DISC1: variants seen among roughly 807,000 people sequenced by gnomAD.
DISC1 encodes the protein disrupted in schizophrenia 1 protein.
DISC1 carries 57 observed loss-of-function variants against 84.5 expected under a neutral mutation model. The observed-to-expected ratio is 0.67, with a 90% confidence interval of 0.55 to 0.84. The LOEUF (loss-of-function observed/expected upper bound fraction) is 0.84, where lower values mean the gene tolerates loss of function less well. DISC1 is among the 40% of genes least tolerant of loss of function. The pLI, the probability that DISC1 is intolerant of heterozygous loss-of-function variation, is 0.00. For synonymous variants in DISC1, 411 were observed against 415.2 expected (o/e 0.99, Z 0.12); for missense variants, 1,000 against 1,057.8 (o/e 0.95, Z 0.76).
intron 9 of DISC1, among the ~76,000 whole-genome samples, chr1:231,868,961 G>A (rs199668715): frequency 1.5e-4 from 23 of 151,482 alleles, no homozygotes; most frequent in Non-Finnish European, 1.2e-4. Flanking sequence ...CAATCATGGG[G>A]TAATAATAAT....
rs761174007 is a variant in DISC1, at chr1:231,694,342, TC to T, written c.590del (p.Pro197GlnfsTer146). The T allele has an allele frequency of 5.0e-6, 8 of 1,613,902 alleles. No homozygotes were observed. In the Admixed American group the frequency reaches 1.0e-4, roughly 20 times the overall value. On this transcript the variant is annotated frameshift_variant, in exon 2 of 13. Transcript: ENST00000439617. LOFTEE classifies it high-confidence loss of function. ...NSCSPGCGPEVPPTPPGSHSA... is the reference protein window; with the variant it reads ...NSCSPGCGPEXPPTPPGSHSA... Reference sequence around the variant, plus strand: ...TGCAGCCCTGGCTGTGGCCCTGAGGTCCCCCCAACCCCTCCTGGCTCTCACA... The same window carrying T: ...TGCAGCCCTGGCTGTGGCCCTGAGGTCCCCCAACCCCTCCTGGCTCTCACA...
chr1:231,921,337 G>A (rs1250829674), intron 9 of DISC1, among the ~76,000 whole-genome samples: 1 of 152,152 alleles, frequency 6.6e-6, no homozygotes, highest in Non-Finnish European at 1.5e-5. Flanking sequence ...ATGGAAAAAT[G>A]TGGGCACCAT....
intron 10 of DISC1, among the ~76,000 whole-genome samples, chr1:231,980,079 A>C (rs1287010783): frequency 1.3e-5 from 2 of 152,068 alleles, no homozygotes; most frequent in African/African-American, 2.4e-5. Context: ...GAGAAGTATG[A>C]CTCTTATTCT....
chr1:231,770,574 C>G (rs1421108145), intron 5 of DISC1, among the ~76,000 whole-genome samples: 1 of 152,154 alleles, frequency 6.6e-6, no homozygotes, highest in Admixed American at 6.5e-5. Flanking sequence ...CTGGGTTCTT[C>G]CAAGTCAAAT....
intron 1 of DISC1, among the ~76,000 whole-genome samples, chr1:231,681,758 C>T (rs932348668): frequency 1.3e-5 from 2 of 151,818 alleles, no homozygotes; most frequent in Admixed American, 6.6e-5. Flanking sequence ...TGCAATGGCA[C>T]GATCTTGGCT....
chr1:231,712,606 G>A (rs995950571), intron 3 of DISC1, among the ~76,000 whole-genome samples: 5 of 152,220 alleles, frequency 3.3e-5, no homozygotes, highest in African/African-American at 1.2e-4. Flanking sequence ...TTCTCTTGAT[G>A]ATGACAGCCT....
intron 12 of DISC1, among the ~76,000 whole-genome samples, chr1:232,028,539 C>T (rs778465822): frequency 6.6e-5 from 10 of 152,104 alleles, no homozygotes; most frequent in African/African-American, 1.4e-4. Context: ...TTAATAGCAG[C>T]GGGATCATGG....
intron 3 of DISC1, chr1:231,723,225 C>A (rs1303767322): frequency 6.8e-5 from 59 of 870,760 alleles, no homozygotes; most frequent in Non-Finnish European, 7.8e-5. Context: ...ATCTGGAACC[C>A]CTGATACAGA....
intron 9 of DISC1, among the ~76,000 whole-genome samples, chr1:231,922,926 G>A (rs555119376): frequency 3.9e-5 from 6 of 152,192 alleles, no homozygotes; most frequent in Non-Finnish European, 8.8e-5. Context: ...TTGAGAAAAT[G>A]CAATATTTAT....
chr1:231,936,557 A>G (rs2090993015), intron 9 of DISC1, among the ~76,000 whole-genome samples: 1 of 152,214 alleles, frequency 6.6e-6, no homozygotes, highest in African/African-American at 2.4e-5. Flanking sequence ...GAAGAGTTGC[A>G]TAATTAAACT....
At chr1:231,895,415 T>A (rs1291891441) in intron 9 of DISC1, among the ~76,000 whole-genome samples, 1 of 148,040 alleles carries the variant, frequency 6.8e-6, no homozygotes, top group African/African-American at 2.5e-5. Context: ...ATCTCCCTCA[T>A]ATATATGTGT....
intron 6 of DISC1, among the ~76,000 whole-genome samples, chr1:231,784,023 G>A (rs1404664246): frequency 6.6e-6 from 1 of 152,122 alleles, no homozygotes; most frequent in African/African-American, 2.4e-5. Flanking sequence ...CAACACTTTG[G>A]GAGGCCAAGG....
At chr1:232,004,866 T>G (rs1281922699) in intron 10 of DISC1, among the ~76,000 whole-genome samples, 1 of 33,308 alleles carries the variant, frequency 3.0e-5, no homozygotes. Flanking sequence ...CCTCCCTCCC[T>G]GCCTCCCTCC....
intron 9 of DISC1, among the ~76,000 whole-genome samples, chr1:231,906,076 G>A (rs576160826): frequency 1.7e-3 from 225 of 131,992 alleles, no homozygotes; most frequent in African/African-American, 5.7e-3. Context: ...AGGCTGGAGT[G>A]TAATGGCACG....
At chr1:231,748,420 T>C (rs1490496458) in intron 3 of DISC1, among the ~76,000 whole-genome samples, 1 of 152,250 alleles carries the variant, frequency 6.6e-6, no homozygotes, top group Admixed American at 6.5e-5. Flanking sequence ...CTTCTATACC[T>C]AATTTGTTGA....
At chr1:231,654,983 T>G (rs1041814822) in intron 1 of DISC1, among the ~76,000 whole-genome samples, 1 of 152,240 alleles carries the variant, frequency 6.6e-6, no homozygotes, top group African/African-American at 2.4e-5. Context: ...TTCAATCTTG[T>G]TTCTTACTCC....
chr1:231,942,856 G>A (rs1475541420), intron 9 of DISC1, among the ~76,000 whole-genome samples: 2 of 152,170 alleles, frequency 1.3e-5, no homozygotes, highest in Non-Finnish European at 2.9e-5. Context: ...GAAAATTGCT[G>A]TCTGGGAGCC....
At chr1:231,989,858 G>T (rs1040961935) in intron 10 of DISC1, among the ~76,000 whole-genome samples, 4 of 152,124 alleles carry the variant, frequency 2.6e-5, no homozygotes, top group Admixed American at 1.3e-4. Context: ...AAACACATGC[G>T]CACCGAGTTC....
At chr1:231,665,258 C>T (rs771618163) in intron 1 of DISC1, among the ~76,000 whole-genome samples, 1 of 152,202 alleles carries the variant, frequency 6.6e-6, no homozygotes, top group African/African-American at 2.4e-5. Flanking sequence ...CAGTTTCTCT[C>T]TCCAGTAAAT....
Sources: allele counts gnomAD v4.1 joint callset (sites outside exome capture counted in the v4.1 genomes callset), GRCh38; gene constraint gnomAD v4.1.1; transcripts MANE v1.5; gene names NCBI Gene and HGNC (gene_info 2026-07-23, HGNC 2026-07-21).